The following ANO4 variants were observed in gnomAD, a reference collection of about 807,000 sequenced individuals.
ANO4 encodes anoctamin 4, also known as anoctamin-4.
Under a neutral mutation model 141.9 loss-of-function variants are expected in ANO4, and 69 were observed. The ratio of observed to expected loss-of-function variants is 0.49; its 90% CI spans 0.40 to 0.59. The LOEUF (loss-of-function observed/expected upper bound fraction) is 0.59, where lower values mean the gene tolerates loss of function less well. Ranked by LOEUF, ANO4 falls within the 20% of genes least tolerant of loss-of-function variation. ANO4 has a pLI of 0.00. For synonymous variants in ANO4, 350 were observed against 394.3 expected, an observed-to-expected ratio of 0.89 and a Z score of 1.33; for missense variants, 894 against 1,162.2, an observed-to-expected ratio of 0.77 and a Z score of 3.36.
chr12:100,919,601 A>G (rs2041512299), intron 2 of ANO4, among the ~76,000 whole-genome samples: 1 of 151,924 alleles, frequency 6.6e-6, no homozygotes, highest in Non-Finnish European at 1.5e-5. Flanking sequence ...CAATGATGAT[A>G]TCTACCAATG....
At chr12:100,872,152 A>T (rs821866) in intron 1 of ANO4, among the ~76,000 whole-genome samples, 1 of 152,030 alleles carries the variant, frequency 6.6e-6, no homozygotes, top group Admixed American at 6.6e-5. Context: ...TTCATTCAAC[A>T]TTTATTGAAT....
chr12:101,104,689 T>TA (rs1375637834), intron 22 of ANO4, among the ~76,000 whole-genome samples: 1 of 139,936 alleles, frequency 7.1e-6, no homozygotes, highest in Non-Finnish European at 1.5e-5. Flanking sequence ...AGATTTACCT[T>TA]ATGCTCCTTT....
intron 1 of ANO4, among the ~76,000 whole-genome samples, chr12:100,724,931 C>T (rs1378764454): frequency 6.6e-6 from 1 of 152,128 alleles, no homozygotes; most frequent in Non-Finnish European, 1.5e-5. Context: ...TCTTACTAGT[C>T]GGTTCTTTAG....
At chr12:100,870,245 G>T (rs953086622) in intron 1 of ANO4, among the ~76,000 whole-genome samples, 3 of 152,134 alleles carry the variant, frequency 2.0e-5, no homozygotes, top group African/African-American at 7.2e-5. Context: ...AATATTTTGT[G>T]CAGTTATGCA....
Position 101,083,838 on chromosome 12 carries a change from A to G in ANO4, c.1536+20A>G. On this transcript the variant is annotated intron_variant, in intron 16 of 27. Transcript: ENST00000392977. ...TTTATGGTTTGAAACTTTTAAAAAA[A>G]TATTTGTTTCATAAAATACAAACCT... is the stretch of plus-strand genomic sequence containing the variant. 1 of 1,537,186 alleles carries G rather than the reference A, an allele frequency of 6.5e-7. No individual in the cohort carries two copies. The highest frequency in any genetic ancestry group is 1.2e-5 in the South Asian group (1 of 80,364).
intron 9 of ANO4, among the ~76,000 whole-genome samples, chr12:101,029,374 GAC>G (rs1438776993): frequency 4.6e-5 from 7 of 152,014 alleles, no homozygotes; most frequent in African/African-American, 7.2e-5. Flanking sequence ...CCAATTAAAA[GAC>G]AGACAGGAAA....
At chr12:100,890,232 C>A (rs2040039278) in intron 1 of ANO4, among the ~76,000 whole-genome samples, 1 of 152,160 alleles carries the variant, frequency 6.6e-6, no homozygotes, top group Non-Finnish European at 1.5e-5. Flanking sequence ...GTAACTCAAT[C>A]ATAACTCATC....
chr12:100,820,395 A>G (rs1396123486), intron 1 of ANO4, among the ~76,000 whole-genome samples: 1 of 150,038 alleles, frequency 6.7e-6, no homozygotes, highest in Non-Finnish European at 1.5e-5. Context: ...CTACCTGATT[A>G]TTATGTAGCA....
chr12:100,922,450 C>A, intron 3 of ANO4, 120 bp downstream of exon 3: 1 of 654,584 alleles, frequency 1.5e-6, no homozygotes. Flanking sequence ...AAAATGATGT[C>A]TTGAAAGAGA....
chr12:101,026,542 A>G (rs960305086), intron 9 of ANO4, among the ~76,000 whole-genome samples: 5 of 152,186 alleles, frequency 3.3e-5, no homozygotes, highest in African/African-American at 1.2e-4. Flanking sequence ...AATGAATTCA[A>G]AAATTCATAG....
chr12:100,837,308 G>A (rs1005199404), intron 1 of ANO4, among the ~76,000 whole-genome samples: 10 of 151,982 alleles, frequency 6.6e-5, no homozygotes, highest in African/African-American at 1.2e-4. Context: ...TATCATTTTC[G>A]TTTGGCAGAT....
intron 2 of ANO4, among the ~76,000 whole-genome samples, chr12:100,736,219 C>T (rs1181511950): frequency 2.0e-5 from 3 of 152,030 alleles, no homozygotes; most frequent in Admixed American, 1.3e-4. Context: ...TTTTAAGGTG[C>T]TTTTTTCAAT....
chr12:100,941,108 A>G (rs2042491979), intron 4 of ANO4, among the ~76,000 whole-genome samples: 1 of 152,062 alleles, frequency 6.6e-6, no homozygotes, highest in Non-Finnish European at 1.5e-5. Flanking sequence ...ATTGGAGTGT[A>G]TGAAAACAGA....
At position 101,069,059 on chromosome 12, in the gene ANO4, T is replaced by C; in HGVS notation, c.1313-10134T>C. 3.4e-6 allele frequency: 3 copies of C among 888,778 alleles called. No homozygotes were observed. The South Asian group carries it at 3.9e-5, about 12-fold the overall frequency. The allele number at this position is 888,778 out of a possible 1,614,324, so 55.1% of individuals were successfully genotyped here. ...GGCTAAGGTACACTAGGAGGAGTGC[T>C]GCCAGAAATTTGAATAGCTTTCCAA... is the stretch of plus-strand genomic sequence containing the variant. On this transcript the variant is annotated intron_variant, in intron 14 of 27. Transcript: ENST00000392977.
intron 9 of ANO4, 68 bp downstream of exon 9, chr12:101,020,208 T>G: frequency 9.0e-7 from 1 of 1,116,574 alleles, no homozygotes; most frequent in Non-Finnish European, 1.3e-6. Flanking sequence ...TCCCTTGGTT[T>G]TATTAAGTTT....
At chr12:100,720,145 A>T (rs1156567015) in intron 1 of ANO4, among the ~76,000 whole-genome samples, 1 of 152,038 alleles carries the variant, frequency 6.6e-6, no homozygotes, top group Non-Finnish European at 1.5e-5. Context: ...TGGGACTTTA[A>T]TTGTTCTTGG....
intron 6 of ANO4, among the ~76,000 whole-genome samples, chr12:100,973,274 C>T (rs1328787607): frequency 6.6e-6 from 1 of 152,196 alleles, no homozygotes; most frequent in Admixed American, 6.5e-5. Flanking sequence ...GAGATACATG[C>T]ATTTCCAAAG....
intron 1 of ANO4, among the ~76,000 whole-genome samples, chr12:100,811,820 C>T (rs2035454129): frequency 6.6e-6 from 1 of 152,114 alleles, no homozygotes; most frequent in African/African-American, 2.4e-5. Context: ...AATAACTCTT[C>T]AGTTATTATT....
intron 1 of ANO4, among the ~76,000 whole-genome samples, chr12:100,828,222 A>AAT (rs2036460373): frequency 6.6e-6 from 1 of 151,936 alleles, no homozygotes; most frequent in South Asian, 2.1e-4. Context: ...ACATTTATTT[A>AAT]ATATTTCCTC....
Sources: allele counts gnomAD v4.1 joint callset (sites outside exome capture counted in the v4.1 genomes callset), GRCh38; gene constraint gnomAD v4.1.1; transcripts MANE v1.5; gene names NCBI Gene and HGNC (gene_info 2026-07-23, HGNC 2026-07-21).